The following NRG2 variants were observed in gnomAD, a reference collection of about 807,000 sequenced individuals.
NRG2 encodes the protein neuregulin 2.
Under a neutral mutation model 73.9 loss-of-function variants are expected in NRG2, and 27 were observed. That is an observed-to-expected ratio of 0.37 (90% CI 0.27 to 0.50). The LOEUF is 0.50. Ranked by LOEUF, NRG2 falls within the 20% of genes least tolerant of loss-of-function variation. The pLI, the probability that NRG2 is intolerant of heterozygous loss-of-function variation, is 0.96. For missense variants in NRG2, 1,126 were observed against 1,210.1 expected, an observed-to-expected ratio of 0.93 and a Z score of 1.03; for synonymous variants, 532 against 541.0, an observed-to-expected ratio of 0.98 and a Z score of 0.23.
At chr5:139,968,654 C>T (rs1755745655) in intron 1 of NRG2, among the ~76,000 whole-genome samples, 1 of 152,206 alleles carries the variant, frequency 6.6e-6, no homozygotes, top group Non-Finnish European at 1.5e-5. Context: ...GCTCTCCGTT[C>T]GGCGGCCTTT....
At position 140,008,854 on chromosome 5, in the gene NRG2, G is replaced by A. The variant is rs1759131837; in HGVS notation, c.700+33516C>T. On this transcript the variant is annotated intron_variant, in intron 1 of 9. Transcript: ENST00000361474. This position sits in a 1 kb window ranked among gnomAD's most constrained non-coding sequence, Gnocchi z 4.2. ...GCATGTCTCTGCTACTTACTGTGTG[G>A]TCTTGAGCAAGTTACTTAACCTCTC... Among the ~76,000 whole-genome samples the A allele has an allele frequency of 6.6e-6, 1 of 152,166 alleles. No homozygotes were observed. The highest frequency in any genetic ancestry group is 1.5e-5 in the Non-Finnish European group (1 of 68,036).
At chr5:139,929,184 G>A (rs1282439395) in intron 1 of NRG2, among the ~76,000 whole-genome samples, 1 of 152,198 alleles carries the variant, frequency 6.6e-6, no homozygotes, top group African/African-American at 2.4e-5. Flanking sequence ...CTTTGTCATT[G>A]TTCTGCCTCA....
intron 1 of NRG2, among the ~76,000 whole-genome samples, chr5:140,015,935 T>A (rs962339094): frequency 4.6e-5 from 7 of 152,112 alleles, no homozygotes; most frequent in African/African-American, 1.7e-4. Flanking sequence ...AACAAACACA[T>A]CCCTTGTGTT....
intron 1 of NRG2, among the ~76,000 whole-genome samples, chr5:139,918,330 A>T (rs765436109): frequency 6.6e-6 from 1 of 152,216 alleles, no homozygotes; most frequent in Non-Finnish European, 1.5e-5. Context: ...GGGATAAAGG[A>T]AATGGTAACA....
chr5:140,041,666 T>TAAAAAAAA, intron 1 of NRG2, among the ~76,000 whole-genome samples: 1 of 92,002 alleles, frequency 1.1e-5, no homozygotes, highest in Non-Finnish European at 2.3e-5. Flanking sequence ...CAGAAACAGC[T>TAAAAAAAA]AAAAAAAAAA....
rs1017280657 is a variant in NRG2 at position 139,894,602 on chromosome 5, G to A, written c.701-7091C>T. The stretch of plus-strand genomic sequence containing the variant: ...TCCCAAAGGGAGTGTATGCCCAGCT[G>A]GGCTGCTTAGCTTTCCCTGAGCCAC... On this transcript the variant is annotated intron_variant, in intron 1 of 9. Coordinates refer to ENST00000361474, the MANE Select transcript of NRG2 (RefSeq NM_004883.3). The surrounding 1 kb of genome is among the most constrained non-coding windows in gnomAD (Gnocchi z 5.0). Among the ~76,000 whole-genome samples, 12 of 152,120 alleles carry A rather than the reference G, an allele frequency of 7.9e-5. No homozygotes were observed. Among genetic ancestry groups the A allele is most frequent in the African/African-American group, 2.9e-4 (12 of 41,426 alleles).
chr5:140,012,483 CTCT>C (rs1759438941), intron 1 of NRG2, among the ~76,000 whole-genome samples: 1 of 152,176 alleles, frequency 6.6e-6, no homozygotes, highest in South Asian at 2.1e-4. Flanking sequence ...GTTCCTTGAA[CTCT>C]TCTTCTCTAG....
chr5:139,893,877 G>A (rs145957787), intron 1 of NRG2, among the ~76,000 whole-genome samples: 1 of 152,316 alleles, frequency 6.6e-6, no homozygotes, highest in Non-Finnish European at 1.5e-5. Flanking sequence ...ACCTCCCCAT[G>A]GTTGCCATGA....
chr5:140,012,810 A>G (rs1759471067), intron 1 of NRG2, among the ~76,000 whole-genome samples: 1 of 152,100 alleles, frequency 6.6e-6, no homozygotes, highest in South Asian at 2.1e-4. Context: ...ATCAATTTTT[A>G]TAATAATTCT....
intron 1 of NRG2, among the ~76,000 whole-genome samples, chr5:139,957,604 C>A (rs1475752074): frequency 6.6e-6 from 1 of 152,184 alleles, no homozygotes; most frequent in Non-Finnish European, 1.5e-5. Context: ...TGCCAACCCA[C>A]CAGGTCCAAT....
chr5:139,923,355 C>T (rs752198431), intron 1 of NRG2, among the ~76,000 whole-genome samples: 6 of 152,144 alleles, frequency 3.9e-5, no homozygotes, highest in African/African-American at 9.7e-5. Flanking sequence ...ATGTATCTTG[C>T]GCTCTCTAGG....
At chr5:139,889,734 G>A (rs1764088404) in intron 1 of NRG2, among the ~76,000 whole-genome samples, 1 of 152,148 alleles carries the variant, frequency 6.6e-6, no homozygotes, top group Non-Finnish European at 1.5e-5. Flanking sequence ...TATGGGGGAG[G>A]ATGGCTCTAG....
chr5:139,849,007 G>C (rs1446806307), intron 9 of NRG2, among the ~76,000 whole-genome samples: 2 of 152,150 alleles, frequency 1.3e-5, no homozygotes, highest in Non-Finnish European at 2.9e-5. Flanking sequence ...AAGCTTTCAT[G>C]AATGGTCACT....
intron 1 of NRG2, among the ~76,000 whole-genome samples, chr5:139,969,019 C>A (rs1247708126): frequency 1.3e-5 from 2 of 152,246 alleles, no homozygotes; most frequent in African/African-American, 2.4e-5. Flanking sequence ...GCAGAGGGTT[C>A]CGGCGCTTGC....
At chr5:140,018,460 A>C (rs781231735) in intron 1 of NRG2, among the ~76,000 whole-genome samples, 2 of 152,178 alleles carry the variant, frequency 1.3e-5, no homozygotes. Context: ...TGCCTGACAC[A>C]ACGGTATCTG....
At chr5:139,936,690 A>G (rs2126400440) in intron 1 of NRG2, among the ~76,000 whole-genome samples, 1 of 152,360 alleles carries the variant, frequency 6.6e-6, no homozygotes, top group South Asian at 2.1e-4. Context: ...AAAACTGGAC[A>G]AAGACATTAT....
At chr5:139,938,624 C>T (rs986986892) in intron 1 of NRG2, among the ~76,000 whole-genome samples, 8 of 151,876 alleles carry the variant, frequency 5.3e-5, no homozygotes, top group African/African-American at 1.9e-4. Context: ...CTTGGCTGCC[C>T]AGAATTACAG....
intron 3 of NRG2, among the ~76,000 whole-genome samples, chr5:139,874,918 G>A (rs181521756): frequency 7.2e-5 from 11 of 152,310 alleles, no homozygotes; most frequent in Admixed American, 1.3e-4. Flanking sequence ...GACTTCTTAA[G>A]CTGGTCAGGC....
intron 1 of NRG2, among the ~76,000 whole-genome samples, chr5:140,002,730 T>C (rs557169243): frequency 6.6e-6 from 1 of 152,276 alleles, no homozygotes; most frequent in Admixed American, 6.5e-5. Flanking sequence ...TTTTTTTTAT[T>C]TGTCAGTCAG....
Sources: allele counts gnomAD v4.1 joint callset (sites outside exome capture counted in the v4.1 genomes callset), GRCh38; gene constraint gnomAD v4.1.1; non-coding constraint Gnocchi (gnomAD v3.1); transcripts MANE v1.5; gene names NCBI Gene and HGNC (gene_info 2026-07-23, HGNC 2026-07-21).